Variants in GTF2IRD1 observed in about 807,000 individuals in gnomAD.
GTF2IRD1 encodes the protein GTF2I repeat domain containing 1, also known as general transcription factor II-I repeat domain-containing protein 1.
A neutral mutation model predicts 113.2 loss-of-function variants in GTF2IRD1; 26 were observed. That is an observed-to-expected ratio of 0.23 (90% CI 0.17 to 0.32). The LOEUF (loss-of-function observed/expected upper bound fraction) is 0.32. GTF2IRD1 is among the 10% of genes least tolerant of loss of function. The pLI is 1.00. For missense variants in GTF2IRD1, 864 were observed against 1,280.8 expected (o/e 0.67, Z 4.97); for synonymous variants, 484 against 529.1 (o/e 0.91, Z 1.17).
chr7:74,588,106 CTTTTTTTTT>C (rs781908698), intron 22 of GTF2IRD1, among the ~76,000 whole-genome samples: 1 of 135,024 alleles, frequency 7.4e-6, no homozygotes, highest in East Asian at 2.1e-4. Flanking sequence ...CTTTTCTTTT[CTTTTTTTTT>C]TTTTTTTTTG....
chr7:74,474,701 GT>G (rs1424261248), intron 1 of GTF2IRD1, among the ~76,000 whole-genome samples: 1 of 152,142 alleles, frequency 6.6e-6, no homozygotes, highest in Non-Finnish European at 1.5e-5. Context: ...GCTGAGGTGG[GT>G]TGCGAGATGC....
At chr7:74,464,867 C>T (rs573458693) in intron 1 of GTF2IRD1, among the ~76,000 whole-genome samples, 2 of 152,282 alleles carry the variant, frequency 1.3e-5, no homozygotes, top group Admixed American at 1.3e-4. Flanking sequence ...CCACCCCTAC[C>T]GGGTTCCCCA....
At chr7:74,595,560 C>T (rs1364092901) in intron 25 of GTF2IRD1, among the ~76,000 whole-genome samples, 1 of 151,970 alleles carries the variant, frequency 6.6e-6, no homozygotes, top group Non-Finnish European at 1.5e-5. Flanking sequence ...TTTTTAAAGG[C>T]AGAAATAGAT....
intron 22 of GTF2IRD1, among the ~76,000 whole-genome samples, chr7:74,575,300 A>G (rs1800975239): frequency 6.6e-6 from 1 of 152,134 alleles, no homozygotes; most frequent in East Asian, 1.9e-4. Flanking sequence ...CAGAGAGAAC[A>G]GCAGCTGCAA....
intron 1 of GTF2IRD1, among the ~76,000 whole-genome samples, chr7:74,500,409 C>A (rs1450826691): frequency 6.6e-6 from 1 of 150,998 alleles, no homozygotes; most frequent in Non-Finnish European, 1.5e-5. Flanking sequence ...ATAGTGAGAC[C>A]CTATCTGTTT....
chr7:74,523,308 G>A (rs950996155), intron 7 of GTF2IRD1, among the ~76,000 whole-genome samples: 1 of 151,986 alleles, frequency 6.6e-6, no homozygotes, highest in Non-Finnish European at 1.5e-5. Flanking sequence ...GAGGGATCAC[G>A]TGAGCCCAGG....
intron 9 of GTF2IRD1, among the ~76,000 whole-genome samples, chr7:74,532,390 C>CA (rs1343742062): frequency 2.6e-5 from 4 of 151,626 alleles, no homozygotes; most frequent in Non-Finnish European, 5.9e-5. Flanking sequence ...CCTATTTCTA[C>CA]AAAAAATAAA....
At chr7:74,505,238 G>A (rs1275459804) in intron 1 of GTF2IRD1, among the ~76,000 whole-genome samples, 4 of 152,208 alleles carry the variant, frequency 2.6e-5, no homozygotes, top group East Asian at 3.9e-4. Context: ...GAAAAATCTC[G>A]GGCTTTCAGG....
chr7:74,546,773 C>T (rs1205034398), intron 16 of GTF2IRD1, among the ~76,000 whole-genome samples: 1 of 152,156 alleles, frequency 6.6e-6, no homozygotes, highest in East Asian at 1.9e-4. Context: ...GAAGCAATGC[C>T]GAATCTCAGC....
intron 22 of GTF2IRD1, among the ~76,000 whole-genome samples, chr7:74,583,750 A>G (rs1801565260): frequency 6.6e-6 from 1 of 152,134 alleles, no homozygotes; most frequent in African/African-American, 2.4e-5. Context: ...TTCTTCCCAG[A>G]CCAGGCAAGA....
chr7:74,463,665 G>A (rs913145942), intron 1 of GTF2IRD1, among the ~76,000 whole-genome samples: 9 of 152,228 alleles, frequency 5.9e-5, no homozygotes, highest in African/African-American at 1.9e-4. Flanking sequence ...CGGGTGGTGG[G>A]GACATGTGAG....
intron 1 of GTF2IRD1, among the ~76,000 whole-genome samples, chr7:74,483,718 A>G (rs994624391): frequency 6.6e-6 from 1 of 151,920 alleles, no homozygotes; most frequent in African/African-American, 2.4e-5. Context: ...TTTACAAAAC[A>G]TTTTTAAAAA....
chr7:74,473,663 G>C (rs554746826), intron 1 of GTF2IRD1, among the ~76,000 whole-genome samples: 1 of 152,202 alleles, frequency 6.6e-6, no homozygotes, highest in African/African-American at 2.4e-5. Context: ...CACTCCTGCA[G>C]ATGAGGGGAG....
intron 22 of GTF2IRD1, among the ~76,000 whole-genome samples, chr7:74,569,685 G>A (rs1554362006): frequency 6.6e-6 from 1 of 152,218 alleles, no homozygotes; most frequent in Non-Finnish European, 1.5e-5. Flanking sequence ...GGGCAGAGAA[G>A]CCAGGGAGTG....
At chr7:74,478,613 G>A (rs190960058) in intron 1 of GTF2IRD1, among the ~76,000 whole-genome samples, 187 of 148,546 alleles carry the variant, frequency 1.3e-3, no homozygotes, top group African/African-American at 4.5e-3. Flanking sequence ...ATGCCACCAC[G>A]CCCAACTAAT....
At position 74,536,185 on chromosome 7, in the gene GTF2IRD1, A is replaced by T. The variant is rs782731574; in HGVS notation, c.1319A>T (p.Asp440Val). 2 of 1,613,192 alleles carry T rather than the reference A, an allele frequency of 1.2e-6. No homozygotes were observed. Among genetic ancestry groups the T allele is most frequent in the South Asian group, 2.2e-5 (2 of 91,070 alleles). ...RIFTGNKFTK[D>V]TTKLEPASPP... ...CCCACAGGGAACAAGTTTACCAAAG[A>T]CACCACGAAGCTGGAGCCAGCCAGC... The change falls in exon 11 of 27, where the codon GAC becomes GTC. Residue 440 changes from aspartate to valine, a missense_variant. Asp to Val is a radical substitution (Grantham distance 152, BLOSUM62 -3). This residue lies in a region of GTF2IRD1 where 218 missense variants were observed against 352.6 expected (regional missense o/e 0.62). Coordinates refer to ENST00000424337, the MANE Select transcript of GTF2IRD1 (RefSeq NM_005685.4).
rs1554348298 is a variant in GTF2IRD1 at position 74,529,842 on chromosome 7, G to A, written c.1199G>A (p.Arg400His). 3.1e-6 allele frequency: 5 copies of A among 1,614,002 alleles called. No individual in the cohort carries two copies. The highest frequency in any genetic ancestry group is 4.2e-6 in the Non-Finnish European group (5 of 1,179,936). ...ATCCCGGACAAGATCCCCTTCAAGC[G>A]CCCCTGCACTTATGGAGTCCCCAAG... ...VGIPDKIPFK[R>H]PCTYGVPKLK... The change falls in exon 9 of 27, where the codon CGC becomes CAC. Residue 400 changes from arginine to histidine, a missense_variant. This residue lies in a region of GTF2IRD1 where 218 missense variants were observed against 352.6 expected (regional missense o/e 0.62). Coordinates refer to ENST00000424337, the MANE Select transcript of GTF2IRD1 (RefSeq NM_005685.4).
intron 22 of GTF2IRD1, among the ~76,000 whole-genome samples, chr7:74,565,806 CA>C (rs1421828341): frequency 6.6e-6 from 1 of 151,744 alleles, no homozygotes; most frequent in African/African-American, 2.4e-5. Flanking sequence ...CCCATCTCTA[CA>C]AAAAAAATTT....
chr7:74,590,048 C>A (rs1223018791), intron 23 of GTF2IRD1, 120 bp downstream of exon 23: 1 of 640,074 alleles, frequency 1.6e-6, no homozygotes, highest in Admixed American at 2.8e-5. Flanking sequence ...TCCCTGGTGA[C>A]ATGGCTGCTC....
Sources: allele counts gnomAD v4.1 joint callset (sites outside exome capture counted in the v4.1 genomes callset), GRCh38; gene constraint gnomAD v4.1.1; regional missense constraint gnomAD v4.1.1; transcripts MANE v1.5; gene names NCBI Gene and HGNC (gene_info 2026-07-23, HGNC 2026-07-21).